CRLF3: variants seen among roughly 807,000 people sequenced by gnomAD.
CRLF3 encodes cytokine receptor like factor 3.
Under a neutral mutation model 55.0 loss-of-function variants are expected in CRLF3, and 33 were observed. The ratio of observed to expected loss-of-function variants is 0.60; its 90% CI spans 0.46 to 0.80. The LOEUF (loss-of-function observed/expected upper bound fraction) is 0.80. Ranked by LOEUF, CRLF3 falls within the 30% of genes least tolerant of loss-of-function variation. The pLI, the probability that CRLF3 is intolerant of heterozygous loss-of-function variation, is 0.00. For synonymous variants in CRLF3, 238 were observed against 196.8 expected (o/e 1.21, Z -1.75); for missense variants, 494 against 538.4 (o/e 0.92, Z 0.82).
intron 1 of CRLF3, among the ~76,000 whole-genome samples, chr17:30,819,500 T>G (rs753127429): frequency 6.6e-5 from 10 of 152,214 alleles, no homozygotes; most frequent in Non-Finnish European, 1.3e-4. Flanking sequence ...GTTTTTGAGA[T>G]GGAGTCTCGC....
intron 6 of CRLF3, 169 bp downstream of exon 6, chr17:30,792,271 A>G (rs923050832): frequency 5.5e-6 from 3 of 550,322 alleles, no homozygotes; most frequent in East Asian, 2.8e-5. Context: ...TAACCCTGTG[A>G]ATACAGATGA....
chr17:30,786,867 G>C (rs2142241083), intron 6 of CRLF3: 2 of 151,920 alleles, frequency 1.3e-5, no homozygotes, highest in African/African-American at 4.8e-5. Flanking sequence ...TGCCCGGCTA[G>C]TTTTGTATTT....
At chr17:30,790,826 C>T (rs1447704549) in intron 6 of CRLF3, 1 of 152,190 alleles carries the variant, frequency 6.6e-6, no homozygotes, top group African/African-American at 2.4e-5. Context: ...CTATGTTGGC[C>T]AGGATGGTCT....
chr17:30,804,640 C>A (rs983091679), intron 1 of CRLF3, among the ~76,000 whole-genome samples: 1 of 152,202 alleles, frequency 6.6e-6, no homozygotes, highest in African/African-American at 2.4e-5. Context: ...TTCATCCATG[C>A]TGTCACAAAT....
Position 30,803,885 on chromosome 17 carries a change from C to T in CRLF3, c.337+16G>A. The T allele has an allele frequency of 1.3e-6, 2 of 1,588,368 alleles. No individual in the cohort carries two copies. The highest frequency in any genetic ancestry group is 2.2e-5 in the South Asian group (2 of 90,480). On this transcript the variant is annotated intron_variant, in intron 2 of 7. Transcript: ENST00000324238. ...TGGACGAATGCACTAATACAACAGG[C>T]TCCCTGGTCCCCCACCTTCTCGGAC...
At chr17:30,800,754 G>A (rs1351190537) in intron 2 of CRLF3, among the ~76,000 whole-genome samples, 4 of 150,256 alleles carry the variant, frequency 2.7e-5, no homozygotes, top group African/African-American at 9.8e-5. Flanking sequence ...CAACTTGTGT[G>A]TGCCACCATG....
chr17:30,814,266 A>G (rs1904714418), intron 1 of CRLF3, among the ~76,000 whole-genome samples: 1 of 151,530 alleles, frequency 6.6e-6, no homozygotes, highest in African/African-American at 2.4e-5. Flanking sequence ...CGAAAAAATA[A>G]TAATAATAGT....
intron 1 of CRLF3, among the ~76,000 whole-genome samples, chr17:30,821,233 G>A (rs928829300): frequency 7.3e-5 from 11 of 151,280 alleles, no homozygotes; most frequent in Admixed American, 1.3e-4. Flanking sequence ...CCAGCTACTC[G>A]GCACACTGAG....
At chr17:30,810,904 A>G (rs1292243779) in intron 1 of CRLF3, among the ~76,000 whole-genome samples, 3 of 152,138 alleles carry the variant, frequency 2.0e-5, no homozygotes. Context: ...CCTGGGCAAC[A>G]TGGCAAAACT....
rs556141358 is a variant in CRLF3 at position 30,814,597 on chromosome 17, C to T, written c.129+9926G>A. 2.7e-3 allele frequency among the ~76,000 whole-genome samples: 407 copies of T among 151,438 alleles called. 2 individuals carry two copies. The highest frequency in any genetic ancestry group is 3.0e-3 in the Non-Finnish European group (202 of 67,902). On this transcript the variant is annotated intron_variant, in intron 1 of 7. Transcript: ENST00000324238. ...GCTTGAACCCGGGAGGCAGAGGTTACGCTGAGCTGAGATCGTGCCACTGCA... is the reference window on the plus strand; with the variant it reads ...GCTTGAACCCGGGAGGCAGAGGTTATGCTGAGCTGAGATCGTGCCACTGCA...
At chr17:30,793,961 C>A (rs1276318905) in intron 4 of CRLF3, among the ~76,000 whole-genome samples, 1 of 152,078 alleles carries the variant, frequency 6.6e-6, no homozygotes, top group African/African-American at 2.4e-5. Context: ...CCTTCCACCC[C>A]ACAAGTAGCT....
chr17:30,807,552 C>CTTTTTTTT (rs1904452473), intron 1 of CRLF3, among the ~76,000 whole-genome samples: 1 of 89,622 alleles, frequency 1.1e-5, no homozygotes, highest in African/African-American at 3.5e-5. Flanking sequence ...TTTTTTTTGA[C>CTTTTTTTT]ACAGAGTTTC....
intron 7 of CRLF3, 40 bp from the exon 8 acceptor site, chr17:30,784,483 T>A: frequency 6.5e-7 from 1 of 1,539,872 alleles, no homozygotes; most frequent in Non-Finnish European, 8.9e-7. Flanking sequence ...ATGTGAGCAA[T>A]AACTAAGAGA....
chr17:30,792,245 C>T (rs368447629), intron 6 of CRLF3, 195 bp downstream of exon 6: 2 of 499,032 alleles, frequency 4.0e-6, no homozygotes, highest in East Asian at 2.9e-5. Flanking sequence ...ATACATTTCC[C>T]AGTTAATCTA....
intron 6 of CRLF3, among the ~76,000 whole-genome samples, chr17:30,790,384 A>C (rs974844248): frequency 6.6e-6 from 1 of 152,184 alleles, no homozygotes; most frequent in Non-Finnish European, 1.5e-5. Flanking sequence ...GACTATAAAG[A>C]ATACATCTCA....
chr17:30,797,980 A>ACCTCATCTCTACC (rs1567663013), intron 2 of CRLF3, among the ~76,000 whole-genome samples: 1 of 109,846 alleles, frequency 9.1e-6, no homozygotes. Flanking sequence ...AGGTCTCACT[A>ACCTCATCTCTACC]TGTTGCCCAG....
In CRLF3 at chr17:30,784,409, A is replaced by G; in HGVS notation, c.1107T>C (p.Asn369=). The G allele has an allele frequency of 1.2e-6, 2 of 1,613,518 alleles. No homozygotes were observed. The highest frequency in any genetic ancestry group is 1.7e-6 in the Non-Finnish European group (2 of 1,179,468). The change falls in exon 8 of 8, where the codon AAT becomes AAC. Residue 369 remains asparagine (N), a synonymous_variant. Coordinates refer to ENST00000324238, the MANE Select transcript of CRLF3 (RefSeq NM_015986.4). Reference sequence around the variant, plus strand: ...ACCCAGAAGTAACTGCGGGTAACTGATTTGTCATTTCTTTTCCATTGACAA... The same window carrying G: ...ACCCAGAAGTAACTGCGGGTAACTGGTTTGTCATTTCTTTTCCATTGACAA... ...AVFVNGKEMT[N]QLPAVTSGST... is the part of the protein sequence containing the mutation.
At chr17:30,805,669 G>A (rs1372251521) in intron 1 of CRLF3, among the ~76,000 whole-genome samples, 3 of 149,256 alleles carry the variant, frequency 2.0e-5, no homozygotes, top group Admixed American at 6.8e-5. Flanking sequence ...AACTGAGATC[G>A]CGCCATTGCA....
chr17:30,799,228 G>A (rs1200080190), intron 2 of CRLF3, among the ~76,000 whole-genome samples: 5 of 152,140 alleles, frequency 3.3e-5, no homozygotes, highest in African/African-American at 9.7e-5. Context: ...AGCTGAGATC[G>A]TGCCACTGCA....
Sources: allele counts gnomAD v4.1 joint callset (sites outside exome capture counted in the v4.1 genomes callset), GRCh38; gene constraint gnomAD v4.1.1; transcripts MANE v1.5; gene names NCBI Gene and HGNC (gene_info 2026-07-23, HGNC 2026-07-21).